The following GALNT18 variants were observed in gnomAD, a reference collection of about 807,000 sequenced individuals.
The protein encoded by GALNT18 is GalNAc-transferase 18.
GALNT18 carries 44 observed loss-of-function variants against 69.5 expected under a neutral mutation model. The ratio of observed to expected loss-of-function variants is 0.63; its 90% CI spans 0.50 to 0.81. The LOEUF (loss-of-function observed/expected upper bound fraction) is 0.81, where lower values mean the gene tolerates loss of function less well. Among genes scored for constraint, GALNT18 ranks in the 40% least tolerant of loss-of-function variants. GALNT18 has a pLI of 0.00. For synonymous variants in GALNT18, 364 were observed against 318.2 expected, an observed-to-expected ratio of 1.14 and a Z score of -1.53; for missense variants, 715 against 810.0, an observed-to-expected ratio of 0.88 and a Z score of 1.42.
chr11:11,618,501 C>T lies in GALNT18; in HGVS notation c.235+2858G>A, dbSNP rs186018214. ...TTCCAAGTGGGAAGGCTGCTGACTCCCTCACCCCTCAGCCATCCTCTGACA... is the reference window on the plus strand; with the variant it reads ...TTCCAAGTGGGAAGGCTGCTGACTCTCTCACCCCTCAGCCATCCTCTGACA... On this transcript the variant is annotated intron_variant, in intron 1 of 10. Transcript: ENST00000227756. This position sits in a 1 kb window ranked among gnomAD's most constrained non-coding sequence, Gnocchi z 6.1. Among the ~76,000 whole-genome samples, 1 of 152,294 alleles carries T rather than the reference C, an allele frequency of 6.6e-6. No individual in the cohort carries two copies. Among genetic ancestry groups the T allele is most frequent in the East Asian group, 1.9e-4 (1 of 5,182 alleles).
In GALNT18 at chr11:11,497,223, C is replaced by G. The variant is rs561924848; in HGVS notation, c.236-48287G>C. On this transcript the variant is annotated intron_variant, in intron 1 of 10. Coordinates refer to ENST00000227756, the MANE Select transcript of GALNT18 (RefSeq NM_198516.3). This position sits in a 1 kb window ranked among gnomAD's most constrained non-coding sequence, Gnocchi z 4.2. ...GCCAACATCAGCACCCTCAACTGAC[C>G]CTTGTCAGTCCCTCTACCAAAGCCT... Among the ~76,000 whole-genome samples, 6 of 151,772 alleles carry G rather than the reference C, an allele frequency of 4.0e-5. No individual in the cohort carries two copies. In the South Asian group the frequency reaches 6.3e-4, roughly 16 times the overall value.
At chr11:11,397,577 C>T (rs946789175) in intron 3 of GALNT18, among the ~76,000 whole-genome samples, 7 of 152,304 alleles carry the variant, frequency 4.6e-5, no homozygotes, top group East Asian at 3.9e-4. Context: ...GATTCTCATG[C>T]CTCAGCCTCC....
intron 1 of GALNT18, among the ~76,000 whole-genome samples, chr11:11,502,910 GCA>G (rs1857002283): frequency 2.0e-5 from 3 of 152,140 alleles, no homozygotes; most frequent in Admixed American, 2.0e-4. Flanking sequence ...TGAAAAGGAA[GCA>G]CAGTCACTCA....
intron 10 of GALNT18, among the ~76,000 whole-genome samples, chr11:11,275,548 T>C (rs1304008192): frequency 6.6e-6 from 1 of 152,244 alleles, no homozygotes; most frequent in Non-Finnish European, 1.5e-5. Context: ...TAGATCCCAT[T>C]TGTCAATTTT....
At chr11:11,400,533 A>G (rs543120612) in intron 3 of GALNT18, among the ~76,000 whole-genome samples, 8 of 152,320 alleles carry the variant, frequency 5.3e-5, no homozygotes, top group African/African-American at 1.7e-4. Context: ...GGACTGAGTG[A>G]CTTAAGAACA....
chr11:11,383,000 T>C lies in GALNT18; in HGVS notation c.596-3736A>G, dbSNP rs1006210501. ...TTTGCACCCTGCATGGGGCCAGGTGTCATCCTGCTTATGTTGCTACTTCAG... is the reference window on the plus strand; with the variant it reads ...TTTGCACCCTGCATGGGGCCAGGTGCCATCCTGCTTATGTTGCTACTTCAG... On this transcript the variant is annotated intron_variant, in intron 3 of 10. Transcript: ENST00000227756. This position sits in a 1 kb window ranked among gnomAD's most constrained non-coding sequence, Gnocchi z 4.3. Among the ~76,000 whole-genome samples, 2 of 152,140 alleles carry C rather than the reference T, an allele frequency of 1.3e-5. No homozygotes were observed. Among genetic ancestry groups the C allele is most frequent in the Non-Finnish European group, 2.9e-5 (2 of 68,024 alleles).
At position 11,592,276 on chromosome 11, in the gene GALNT18, C is replaced by T. The variant is rs564859891; in HGVS notation, c.235+29083G>A. On this transcript the variant is annotated intron_variant, in intron 1 of 10. Transcript: ENST00000227756. The surrounding 1 kb of genome is among the most constrained non-coding windows in gnomAD (Gnocchi z 5.9). ...TTAATCAATGCCCGGAAGTGAAATGCTAAGAAATTATATGCACGGTTACGA... is the reference window on the plus strand; with the variant it reads ...TTAATCAATGCCCGGAAGTGAAATGTTAAGAAATTATATGCACGGTTACGA... 2.0e-5 allele frequency among the ~76,000 whole-genome samples: 3 copies of T among 152,188 alleles called. No homozygotes were observed. The South Asian group carries it at 6.2e-4, about 32-fold the overall frequency.
chr11:11,523,730 A>T lies in GALNT18; in HGVS notation c.236-74794T>A, dbSNP rs1325457850. 4.6e-5 allele frequency among the ~76,000 whole-genome samples: 7 copies of T among 152,034 alleles called. No homozygotes were observed. The highest frequency in any genetic ancestry group is 3.9e-4 in the East Asian group (2 of 5,170). On this transcript the variant is annotated intron_variant, in intron 1 of 10. Coordinates refer to ENST00000227756, the MANE Select transcript of GALNT18 (RefSeq NM_198516.3). This position sits in a 1 kb window ranked among gnomAD's most constrained non-coding sequence, Gnocchi z 4.3. ...CGAGACTCCATCTCAAAAAAAAAAA[A>T]AAATATCGTACACCCTGCCTCCCTG...
chr11:11,436,127 C>T lies in GALNT18; in HGVS notation c.429-3340G>A, dbSNP rs1256669899. Among the ~76,000 whole-genome samples the T allele has an allele frequency of 6.6e-6, 1 of 152,174 alleles. No homozygotes were observed. The highest frequency in any genetic ancestry group is 1.5e-5 in the Non-Finnish European group (1 of 68,032). ...GGTAAGGAAGATGATATGGGGGGAT[C>T]GTTTTTGGGAAAGCGTTTGAAGGGG... On this transcript the variant is annotated intron_variant, in intron 2 of 10. Coordinates refer to ENST00000227756, the MANE Select transcript of GALNT18 (RefSeq NM_198516.3). The surrounding 1 kb of genome is among the most constrained non-coding windows in gnomAD (Gnocchi z 4.5).
chr11:11,503,498 C>T (rs926128392), intron 1 of GALNT18, among the ~76,000 whole-genome samples: 1 of 152,202 alleles, frequency 6.6e-6, no homozygotes, highest in Non-Finnish European at 1.5e-5. Flanking sequence ...ATGCTACAGC[C>T]TGCAGGTGTT....
Position 11,448,814 on chromosome 11 carries a change from A to G in GALNT18, c.358T>C (p.Tyr120His), listed in dbSNP as rs965339393. The stretch of plus-strand genomic sequence containing the variant: ...TCGCTGAGGTAGGCGTTGTAGCCGT[A>G]GTACTGGAATTGCTTCAGGGCCACG... The part of the protein sequence containing the change: ...RRVALKQFQY[Y>H]GYNAYLSDRL... Residue 120 changes from tyrosine (Y) to histidine (H), a missense_variant, in exon 2 of 11, where the codon TAC (tyrosine) becomes CAC (histidine). Physicochemically the swap from Tyr to His is moderately conservative, Grantham distance 83. Coordinates refer to ENST00000227756, the MANE Select transcript of GALNT18 (RefSeq NM_198516.3). The G allele has an allele frequency of 1.2e-6, 2 of 1,613,534 alleles. No individual in the cohort carries two copies. The highest frequency in any genetic ancestry group is 1.7e-6 in the Non-Finnish European group (2 of 1,179,868).
At chr11:11,576,567 A>G (rs1858929381) in intron 1 of GALNT18, among the ~76,000 whole-genome samples, 1 of 152,198 alleles carries the variant, frequency 6.6e-6, no homozygotes, top group Admixed American at 6.5e-5. Context: ...TTTCATAATG[A>G]CCATAGGAGG....
rs1400557739 is a variant in GALNT18, at chr11:11,505,374, A to G, written c.236-56438T>C. 1.3e-5 allele frequency among the ~76,000 whole-genome samples: 2 copies of G among 152,176 alleles called. No individual in the cohort carries two copies. Among genetic ancestry groups the G allele is most frequent in the Non-Finnish European group, 2.9e-5 (2 of 68,028 alleles). ...TGAGTTACCAGATTCTTGAATCTCTATGAAGGATGGCAGGCAGATGGCATG... is the reference window on the plus strand; with the variant it reads ...TGAGTTACCAGATTCTTGAATCTCTGTGAAGGATGGCAGGCAGATGGCATG... On this transcript the variant is annotated intron_variant, in intron 1 of 10. Coordinates refer to ENST00000227756, the MANE Select transcript of GALNT18 (RefSeq NM_198516.3). The surrounding 1 kb of genome is among the most constrained non-coding windows in gnomAD (Gnocchi z 4.6).
rs1590044612 is a variant in GALNT18 at position 11,485,812 on chromosome 11, C to T, written c.236-36876G>A. 2.0e-5 allele frequency among the ~76,000 whole-genome samples: 3 copies of T among 152,282 alleles called. No homozygotes were observed. In the East Asian group the frequency reaches 5.8e-4, roughly 29 times the overall value. On this transcript the variant is annotated intron_variant, in intron 1 of 10. Coordinates refer to ENST00000227756, the MANE Select transcript of GALNT18 (RefSeq NM_198516.3). ...GGCAGGCCAGCAAGCTGACATGAGC[C>T]TAGGATGAACTGTGGGGCAGGGAAA... is the stretch of plus-strand genomic sequence containing the variant.
At chr11:11,371,969 G>A (rs534637350) in intron 6 of GALNT18, among the ~76,000 whole-genome samples, 48 of 152,330 alleles carry the variant, frequency 3.2e-4, no homozygotes, top group African/African-American at 1.1e-3. Flanking sequence ...CGTGAGGCAG[G>A]AATGGGCTGT....
rs144727891 is a variant in GALNT18 at position 11,370,955 on chromosome 11, G to A, written c.1092+1560C>T. 6.5e-3 allele frequency among the ~76,000 whole-genome samples: 985 copies of A among 152,296 alleles called. 7 individuals are homozygous for A. Among genetic ancestry groups the A allele is most frequent in the Admixed American group, 0.011 (173 of 15,300 alleles). Reference sequence around the variant, plus strand: ...GAGCAGTGCTGAAATGAGATGGTGAGGATACAAATGGGGAATAAATGGCCA... The same window carrying A: ...GAGCAGTGCTGAAATGAGATGGTGAAGATACAAATGGGGAATAAATGGCCA... On this transcript the variant is annotated intron_variant, in intron 6 of 10. Transcript: ENST00000227756.
rs1005680165 is a variant in GALNT18 at position 11,404,940 on chromosome 11, G to A, written c.596-25676C>T. On this transcript the variant is annotated intron_variant, in intron 3 of 10. Transcript: ENST00000227756. This position sits in a 1 kb window ranked among gnomAD's most constrained non-coding sequence, Gnocchi z 4.5. ...TGTTTCCTAGAGCAGAGCATGAAAG[G>A]GGTCCCGCCTGTCATGGGGGAACAG... Among the ~76,000 whole-genome samples, 2 of 152,154 alleles carry A rather than the reference G, an allele frequency of 1.3e-5. No individual in the cohort carries two copies. Among genetic ancestry groups the A allele is most frequent in the Non-Finnish European group, 2.9e-5 (2 of 68,028 alleles).
At chr11:11,558,849 G>T (rs1858395092) in intron 1 of GALNT18, among the ~76,000 whole-genome samples, 1 of 152,172 alleles carries the variant, frequency 6.6e-6, no homozygotes, top group Admixed American at 6.5e-5. Flanking sequence ...CAGGAGGAGT[G>T]GTTACTGGAG....
rs1240343410 is a variant in GALNT18, at chr11:11,356,132, G to A, written c.1093-15128C>T. 3.3e-5 allele frequency among the ~76,000 whole-genome samples: 5 copies of A among 152,172 alleles called. No individual in the cohort carries two copies. In the East Asian group the frequency reaches 9.6e-4, roughly 29 times the overall value. Reference sequence around the variant, plus strand: ...CCTTTGCATTGCTTTACAAAGCCAAGAACATTTGTATTTGGAGATGCCCCT... The same window carrying A: ...CCTTTGCATTGCTTTACAAAGCCAAAAACATTTGTATTTGGAGATGCCCCT... On this transcript the variant is annotated intron_variant, in intron 6 of 10. Coordinates refer to ENST00000227756, the MANE Select transcript of GALNT18 (RefSeq NM_198516.3). The surrounding 1 kb of genome is among the most constrained non-coding windows in gnomAD (Gnocchi z 4.4).
Sources: allele counts gnomAD v4.1 joint callset (sites outside exome capture counted in the v4.1 genomes callset), GRCh38; gene constraint gnomAD v4.1.1; non-coding constraint Gnocchi (gnomAD v3.1); transcripts MANE v1.5; gene names NCBI Gene and HGNC (gene_info 2026-07-23, HGNC 2026-07-21).